The following MROH2B variants were observed in gnomAD, a reference collection of about 807,000 sequenced individuals.
MROH2B encodes maestro heat like repeat family member 2B.
A neutral mutation model predicts 208.6 loss-of-function variants in MROH2B; 177 were observed. The ratio of observed to expected loss-of-function variants is 0.85; its 90% CI spans 0.75 to 0.96. The LOEUF (loss-of-function observed/expected upper bound fraction) is 0.96, where lower values mean the gene tolerates loss of function less well. MROH2B is among the 40% of genes least tolerant of loss of function. The pLI is 0.00. For synonymous variants in MROH2B, 728 were observed against 659.0 expected, an observed-to-expected ratio of 1.10 and a Z score of -1.60; for missense variants, 2,002 against 1,878.7, an observed-to-expected ratio of 1.07 and a Z score of -1.21.
chr5:41,067,586 T>C (rs1286379190), intron 2 of MROH2B, among the ~76,000 whole-genome samples: 1 of 152,166 alleles, frequency 6.6e-6, no homozygotes. Context: ...TACGCTGGTC[T>C]CGAACTCCTG....
At chr5:41,024,421 A>G (rs1210117413) in intron 24 of MROH2B, among the ~76,000 whole-genome samples, 1 of 152,164 alleles carries the variant, frequency 6.6e-6, no homozygotes, top group Non-Finnish European at 1.5e-5. Flanking sequence ...ACCAAAAAAG[A>G]TCAAAAGAGA....
At chr5:41,016,900 T>C (rs1741973741) in intron 28 of MROH2B, among the ~76,000 whole-genome samples, 1 of 151,250 alleles carries the variant, frequency 6.6e-6, no homozygotes, top group Admixed American at 6.6e-5. Context: ...ACTTTGACTC[T>C]GCTGAAGAGT....
chr5:41,057,193 A>G lies in MROH2B; in HGVS notation c.850-15T>C. The G allele has an allele frequency of 6.2e-7, 1 of 1,613,626 alleles. No homozygotes were observed. Among genetic ancestry groups the G allele is most frequent in the Non-Finnish European group, 8.5e-7 (1 of 1,179,634 alleles). ...GCTCTGCAGATCTGAATGGGGGTGG[A>G]AATCAGGTGGTAGATGTTAAACACA... On this transcript the variant is annotated splice_polypyrimidine_tract_variant and intron_variant, in intron 8 of 41. Transcript: ENST00000399564.
intron 19 of MROH2B, among the ~76,000 whole-genome samples, chr5:41,040,244 T>C (rs1742901078): frequency 6.6e-6 from 1 of 152,186 alleles, no homozygotes. Context: ...TTTCTGAAAG[T>C]TGGCAGTTCT....
intron 7 of MROH2B, 60 bp downstream of exon 7, chr5:41,058,003 G>A: frequency 7.2e-7 from 1 of 1,396,530 alleles, no homozygotes; most frequent in Non-Finnish European, 9.4e-7. Context: ...AGACTTAAAA[G>A]CCTCCCGGAG....
intron 24 of MROH2B, among the ~76,000 whole-genome samples, chr5:41,026,927 T>A (rs1742383749): frequency 6.6e-6 from 1 of 152,080 alleles, no homozygotes; most frequent in African/African-American, 2.4e-5. Context: ...GACGAAAACA[T>A]GAAATGGGGA....
chr5:41,057,308 C>A lies in MROH2B; in HGVS notation c.809G>T (p.Arg270Met). The A allele has an allele frequency of 6.3e-7, 1 of 1,594,214 alleles. No homozygotes were observed. Among genetic ancestry groups the A allele is most frequent in the East Asian group, 2.3e-5 (1 of 44,412 alleles). The change falls in exon 8 of 42, where the codon AGG (arginine) becomes ATG (methionine). Residue 270 changes from arginine (R) to methionine (M), a missense_variant. Physicochemically the swap from Arg to Met is moderately conservative, Grantham distance 91. Coordinates refer to ENST00000399564, the MANE Select transcript of MROH2B (RefSeq NM_173489.5). ...GATAAAGATGGATCTTCTCAAGCTCCTTGGAAGGCCAATGTCATAAAGAAC... is the reference window on the plus strand; with the variant it reads ...GATAAAGATGGATCTTCTCAAGCTCATTGGAAGGCCAATGTCATAAAGAAC... Reference protein sequence around the residue: ...AAVLYDIGLPRSLRRSIFINL... With the variant: ...AAVLYDIGLPMSLRRSIFINL...
intron 24 of MROH2B, among the ~76,000 whole-genome samples, chr5:41,021,304 A>G (rs1742138688): frequency 6.6e-6 from 1 of 152,250 alleles, no homozygotes; most frequent in Non-Finnish European, 1.5e-5. Context: ...CAAATAATGG[A>G]ATGACATCCT....
intron 29 of MROH2B, among the ~76,000 whole-genome samples, chr5:41,015,139 C>T (rs932430713): frequency 1.3e-5 from 2 of 152,210 alleles, no homozygotes; most frequent in African/African-American, 4.8e-5. Context: ...GTTCCTTCCA[C>T]TCCAACCCAC....
Position 41,018,967 on chromosome 5 carries a change from C to G in MROH2B, c.2493G>C (p.Glu831Asp), listed in dbSNP as rs1742053832. The G allele has an allele frequency of 6.2e-7, 1 of 1,613,846 alleles. No individual in the cohort carries two copies. Among genetic ancestry groups the G allele is most frequent in the Non-Finnish European group, 8.5e-7 (1 of 1,179,862 alleles). ...SLQDHLNILE[E>D]NIRRLLPLPP... ...GAAGGGGCAGCAGCCTCCGAATATT[C>G]TCCTCAAGAATGTTAAGGTGGTCTT... Residue 831 changes from glutamate to aspartate, a missense_variant, in exon 25 of 42, where the codon GAG becomes GAC. Transcript: ENST00000399564.
At chr5:41,052,167 T>C (rs1486933694) in intron 12 of MROH2B, among the ~76,000 whole-genome samples, 1 of 150,870 alleles carries the variant, frequency 6.6e-6, no homozygotes, top group East Asian at 2.0e-4. Flanking sequence ...GGAAAACTGA[T>C]TTAACCTATC....
In MROH2B at chr5:41,027,788, C is replaced by T. The variant is rs868676592; in HGVS notation, c.2441+4954G>A. 3.3e-5 allele frequency among the ~76,000 whole-genome samples: 5 copies of T among 152,266 alleles called. No individual in the cohort carries two copies. In the South Asian group the frequency reaches 1.0e-3, roughly 32 times the overall value. ...CAATAGCAAAGACTTGGAACCAACCCAAATGCCCATCAATGATAGACTGGA... is the reference window on the plus strand; with the variant it reads ...CAATAGCAAAGACTTGGAACCAACCTAAATGCCCATCAATGATAGACTGGA... On this transcript the variant is annotated intron_variant, in intron 24 of 41. Coordinates refer to ENST00000399564, the MANE Select transcript of MROH2B (RefSeq NM_173489.5).
At chr5:41,018,248 G>T in intron 27 of MROH2B, 93 bp downstream of exon 27, 2 of 1,280,132 alleles carry the variant, frequency 1.6e-6, no homozygotes, top group South Asian at 1.4e-5. Context: ...TGAGATGCAC[G>T]ATCCATCATG....
At position 41,057,338 on chromosome 5, in the gene MROH2B, G is replaced by A; in HGVS notation, c.779C>T (p.Ala260Val). Residue 260 changes from alanine (A) to valine (V), a missense_variant, in exon 8 of 42, where the codon GCA becomes GTA. Transcript: ENST00000399564. ...AAGGCCAATGTCATAAAGAACTGCTGCAGTCAGTATTTGTTTTAGGCTCTA... is the reference window on the plus strand; with the variant it reads ...AAGGCCAATGTCATAAAGAACTGCTACAGTCAGTATTTGTTTTAGGCTCTA... ...VTQSLKQILT[A>V]AVLYDIGLPR... 1 of 1,580,652 alleles carries A rather than the reference G, an allele frequency of 6.3e-7. No individual in the cohort carries two copies. Among genetic ancestry groups the A allele is most frequent in the East Asian group, 2.3e-5 (1 of 43,756 alleles).
At position 41,036,410 on chromosome 5, in the gene MROH2B, T is replaced by G. The variant is rs190272786; in HGVS notation, c.2214+2326A>C. 1.3e-4 allele frequency among the ~76,000 whole-genome samples: 20 copies of G among 152,242 alleles called. No homozygotes were observed. The East Asian group carries it at 3.9e-3, about 29-fold the overall frequency. On this transcript the variant is annotated intron_variant, in intron 21 of 41. Coordinates refer to ENST00000399564, the MANE Select transcript of MROH2B (RefSeq NM_173489.5). ...CACCTTCTGCTGTGATTGTGAGGCA[T>G]CCCCAGCCATGTGGAACTTTAAGTC...
chr5:41,065,902 C>T (rs555650657), intron 3 of MROH2B, among the ~76,000 whole-genome samples: 45 of 152,046 alleles, frequency 3.0e-4, no homozygotes, highest in Admixed American at 1.3e-4. Flanking sequence ...AGCGTTGGGA[C>T]GAAGGGAGAA....
chr5:41,021,422 G>T (rs938930558), intron 24 of MROH2B, among the ~76,000 whole-genome samples: 1 of 152,158 alleles, frequency 6.6e-6, no homozygotes, highest in African/African-American at 2.4e-5. Context: ...GGTGCTTTTT[G>T]TAGAAATAGA....
intron 30 of MROH2B, among the ~76,000 whole-genome samples, chr5:41,010,987 C>T (rs1741756498): frequency 2.0e-5 from 3 of 152,040 alleles, no homozygotes; most frequent in Non-Finnish European, 4.4e-5. Context: ...GCTGAGATTT[C>T]TAGTGTAGGA....
At chr5:41,025,397 C>T (rs888123264) in intron 24 of MROH2B, among the ~76,000 whole-genome samples, 2 of 152,250 alleles carry the variant, frequency 1.3e-5, no homozygotes, top group Middle Eastern at 3.4e-3. Context: ...TCAGAGAATA[C>T]TATAAACACC....
Sources: allele counts gnomAD v4.1 joint callset (sites outside exome capture counted in the v4.1 genomes callset), GRCh38; gene constraint gnomAD v4.1.1; transcripts MANE v1.5; gene names NCBI Gene and HGNC (gene_info 2026-07-23, HGNC 2026-07-21).